Variants in PGLYRP4 observed in about 807,000 individuals in gnomAD.
The protein encoded by PGLYRP4 is peptidoglycan recognition protein 4.
A neutral mutation model predicts 41.2 loss-of-function variants in PGLYRP4; 39 were observed. The observed-to-expected ratio is 0.95, with a 90% CI of 0.73 to 1.24. PGLYRP4 has a LOEUF of 1.24. Among genes scored for constraint, PGLYRP4 ranks in the 50% most tolerant of loss-of-function variants. PGLYRP4 has a pLI of 0.00. For synonymous variants in PGLYRP4, 202 were observed against 186.8 expected (o/e 1.08, Z -0.66); for missense variants, 467 against 460.7 (o/e 1.01, Z -0.13).
At chr1:153,334,468 T>TATATATATATTTTCATATATATA in intron 8 of PGLYRP4, among the ~76,000 whole-genome samples, 2 of 142,524 alleles carry the variant, frequency 1.4e-5, no homozygotes, top group Admixed American at 1.4e-4. Flanking sequence ...ATATATTTAT[T>TATATATATATTTTCATATATATA]TATATATATT....
chr1:153,347,919 A>C lies in PGLYRP4; in HGVS notation c.14T>G (p.Leu5Arg). ...GATACCCAGAGCAGAGAAGACAAGAAGCCACGGCAGCATCCCCACGTGGTC... is the reference window on the plus strand; with the variant it reads ...GATACCCAGAGCAGAGAAGACAAGACGCCACGGCAGCATCCCCACGTGGTC... Reference protein sequence around the residue: MLPWLLVFSALGIQA... With the variant: MLPWRLVFSALGIQA... The change falls in exon 2 of 9, where the codon CTT (leucine) becomes CGT (arginine). Residue 5 changes from leucine to arginine, a missense_variant. Transcript: ENST00000359650. 6.2e-7 allele frequency: 1 copy of C among 1,613,682 alleles called. No individual in the cohort carries two copies. Among genetic ancestry groups the C allele is most frequent in the Non-Finnish European group, 8.5e-7 (1 of 1,179,644 alleles).
intron 8 of PGLYRP4, chr1:153,331,478 T>C (rs947155174): frequency 1.3e-5 from 2 of 152,500 alleles, no homozygotes; most frequent in Non-Finnish European, 2.9e-5. Context: ...CAAGTCACAG[T>C]CCTGGTTCAC....
intron 4 of PGLYRP4, among the ~76,000 whole-genome samples, chr1:153,343,605 T>C (rs1394385762): frequency 6.6e-6 from 1 of 152,194 alleles, no homozygotes; most frequent in Non-Finnish European, 1.5e-5. Context: ...GAGCTGTTCA[T>C]TTGATTTCTC....
At chr1:153,341,129 G>A (rs1571136550) in intron 6 of PGLYRP4, among the ~76,000 whole-genome samples, 1 of 151,378 alleles carries the variant, frequency 6.6e-6, no homozygotes, top group Non-Finnish European at 1.5e-5. Flanking sequence ...GTGTGTTTGT[G>A]TGTGTTCATG....
chr1:153,337,275 G>A lies in PGLYRP4; in HGVS notation c.849C>T (p.Ala283=). 6.2e-7 allele frequency: 1 copy of A among 1,611,666 alleles called. No individual in the cohort carries two copies. Among genetic ancestry groups the A allele is most frequent in the Non-Finnish European group, 8.5e-7 (1 of 1,178,880 alleles). ...CATTCCAGCCCACCCCTTCATAAAT[G>A]GCGCCATCCTGGCCCACCAGGAAGC... The part of the protein sequence containing the change: ...GYNFLVGQDG[A]IYEGVGWNVQ... The change falls in exon 8 of 9, where the codon GCC becomes GCT. Residue 283 remains alanine, a synonymous_variant. Transcript: ENST00000359650.
chr1:153,348,048 A>G, intron 1 of PGLYRP4, 70 bp from the exon 2 acceptor site: 1 of 823,608 alleles, frequency 1.2e-6, no homozygotes, highest in African/African-American at 1.7e-5. Context: ...CCCTGACTGC[A>G]GTGGGTGCCA....
Position 153,330,732 on chromosome 1 carries a change from A to C in PGLYRP4, c.*35T>G. 6.3e-7 allele frequency: 1 copy of C among 1,583,630 alleles called. No individual in the cohort carries two copies. Among genetic ancestry groups the C allele is most frequent in the Non-Finnish European group, 8.6e-7 (1 of 1,156,310 alleles). ...TAGGACAGGAGAGACCTGACAGGGG[A>C]GGGAAAGCAGTCTCAGAAGGACCTG... On this transcript the variant is annotated 3_prime_UTR_variant, in exon 9 of 9. Transcript: ENST00000359650.
chr1:153,342,549 G>A (rs1468780216), intron 5 of PGLYRP4, among the ~76,000 whole-genome samples: 1 of 152,228 alleles, frequency 6.6e-6, no homozygotes, highest in Non-Finnish European at 1.5e-5. Context: ...GAATGGTCCT[G>A]GAGTACATAT....
chr1:153,340,974 G>A (rs540299177), intron 6 of PGLYRP4, among the ~76,000 whole-genome samples: 19 of 152,292 alleles, frequency 1.2e-4, no homozygotes, highest in African/African-American at 4.6e-4. Flanking sequence ...TTTTGATGTT[G>A]CTGCTTGTTA....
rs201576903 is a variant in PGLYRP4 at position 153,345,200 on chromosome 1, G to C, written c.322C>G (p.His108Asp). The C allele has an allele frequency of 5.6e-6, 9 of 1,613,392 alleles. No homozygotes were observed. In the Admixed American group the frequency reaches 8.3e-5, roughly 15 times the overall value. ...RLRELQAHHV[H>D]NNSGCDVAYN... ...GCCACATCACACCCACTGTTGTTGT[G>C]GACATGATGGGCCTGCAGTTCCCGC... The change falls in exon 4 of 9, where the codon CAC (histidine) becomes GAC (aspartate). Residue 108 changes from histidine to aspartate, a missense_variant. Physicochemically the swap from His to Asp is moderately conservative, Grantham distance 81. Transcript: ENST00000359650.
Position 153,343,080 on chromosome 1 carries a change from T to A in PGLYRP4, c.472+10A>T. 2 of 1,540,168 alleles carry A rather than the reference T, an allele frequency of 1.3e-6. No individual in the cohort carries two copies. The highest frequency in any genetic ancestry group is 1.1e-5 in the South Asian group (1 of 89,590). Reference sequence around the variant, plus strand: ...ACTCTTTGGAGAAGGTCAGCTGTGATAACTGTTACCTTTCTTAGTGCCAAA... The same window carrying A: ...ACTCTTTGGAGAAGGTCAGCTGTGAAAACTGTTACCTTTCTTAGTGCCAAA... On this transcript the variant is annotated intron_variant, in intron 5 of 8. Coordinates refer to ENST00000359650, the MANE Select transcript of PGLYRP4 (RefSeq NM_020393.4).
chr1:153,338,705 C>T (rs895715073), intron 7 of PGLYRP4, among the ~76,000 whole-genome samples: 5 of 152,170 alleles, frequency 3.3e-5, no homozygotes, highest in African/African-American at 7.2e-5. Flanking sequence ...CCATTTCCCT[C>T]TTCCTGAATC....
chr1:153,347,876 A>G lies in PGLYRP4; in HGVS notation c.49+8T>C. Reference sequence around the variant, plus strand: ...GGTTGCTTTTTGGCCCAGGGAAAGAAAACTTACCCCAGGCCTGGATACCCA... The same window carrying G: ...GGTTGCTTTTTGGCCCAGGGAAAGAGAACTTACCCCAGGCCTGGATACCCA... On this transcript the variant is annotated splice_region_variant and intron_variant, in intron 2 of 8. Transcript: ENST00000359650. The G allele has an allele frequency of 6.2e-7, 1 of 1,610,704 alleles. No individual in the cohort carries two copies. Among genetic ancestry groups the G allele is most frequent in the Non-Finnish European group, 8.5e-7 (1 of 1,177,114 alleles).
At chr1:153,336,863 C>G (rs1204566694) in intron 8 of PGLYRP4, among the ~76,000 whole-genome samples, 1 of 152,152 alleles carries the variant, frequency 6.6e-6, no homozygotes, top group Non-Finnish European at 1.5e-5. Flanking sequence ...TCATGGTAAC[C>G]AAGAGAAGAT....
At chr1:153,337,914 C>T (rs1432169784) in intron 7 of PGLYRP4, among the ~76,000 whole-genome samples, 1 of 152,196 alleles carries the variant, frequency 6.6e-6, no homozygotes, top group Non-Finnish European at 1.5e-5. Context: ...TCACACCACA[C>T]TCTCTTGGCT....
chr1:153,345,187 C>A lies in PGLYRP4; in HGVS notation c.335G>T (p.Gly112Val), dbSNP rs893069715. 9 of 1,612,074 alleles carry A rather than the reference C, an allele frequency of 5.6e-6. No homozygotes were observed. The highest frequency in any genetic ancestry group is 7.6e-6 in the Non-Finnish European group (9 of 1,179,460). The change falls in exon 4 of 9, where the codon GGG becomes GTG. Residue 112 changes from glycine to valine, a missense_variant. Coordinates refer to ENST00000359650, the MANE Select transcript of PGLYRP4 (RefSeq NM_020393.4). The stretch of plus-strand genomic sequence containing the variant: ...CTCTTACTTGTAGGCCACATCACAC[C>A]CACTGTTGTTGTGGACATGATGGGC... ...LQAHHVHNNS[G>V]CDVAYNFLVG...
rs769139899 is a variant in PGLYRP4 at position 153,330,757 on chromosome 1, G to C, written c.*10C>G. 1 of 1,610,286 alleles carries C rather than the reference G, an allele frequency of 6.2e-7. No individual in the cohort carries two copies. The highest frequency in any genetic ancestry group is 1.7e-4 in the Middle Eastern group (1 of 6,048). On this transcript the variant is annotated 3_prime_UTR_variant, in exon 9 of 9. Coordinates refer to ENST00000359650, the MANE Select transcript of PGLYRP4 (RefSeq NM_020393.4). ...AGGGAAAGCAGTCTCAGAAGGACCT[G>C]GGGCTTCTCTCAGTGTTTGAAATGA...
At chr1:153,336,453 A>G (rs540539237) in intron 8 of PGLYRP4, among the ~76,000 whole-genome samples, 1 of 151,966 alleles carries the variant, frequency 6.6e-6, no homozygotes, top group Admixed American at 6.6e-5. Flanking sequence ...AATGGAGGCC[A>G]TATTCCTAAG....
chr1:153,348,084 C>A (rs1661093860), intron 1 of PGLYRP4, 106 bp from the exon 2 acceptor site: 1 of 642,720 alleles, frequency 1.6e-6, no homozygotes, highest in African/African-American at 1.8e-5. Flanking sequence ...ATCCTGTGGC[C>A]TCCTGAGGGC....
Sources: allele counts gnomAD v4.1 joint callset (sites outside exome capture counted in the v4.1 genomes callset), GRCh38; gene constraint gnomAD v4.1.1; transcripts MANE v1.5; gene names NCBI Gene and HGNC (gene_info 2026-07-23, HGNC 2026-07-21).